The following PPM1E variants were observed in gnomAD, a reference collection of about 807,000 sequenced individuals.
PPM1E encodes protein phosphatase, Mg2+/Mn2+ dependent 1E.
A neutral mutation model predicts 65.9 loss-of-function variants in PPM1E; 20 were observed. The observed-to-expected ratio is 0.30, with a 90% CI of 0.21 to 0.44. PPM1E has a LOEUF of 0.44. Ranked by LOEUF, PPM1E falls within the 20% of genes least tolerant of loss-of-function variation. PPM1E has a pLI of 1.00. For synonymous variants in PPM1E, 352 were observed against 374.9 expected, an observed-to-expected ratio of 0.94 and a Z score of 0.70; for missense variants, 713 against 953.1, an observed-to-expected ratio of 0.75 and a Z score of 3.32.
chr17:58,772,362 A>G (rs1469205657), intron 1 of PPM1E, among the ~76,000 whole-genome samples: 2 of 152,108 alleles, frequency 1.3e-5, no homozygotes, highest in African/African-American at 2.4e-5. Flanking sequence ...AGGCTGAGGC[A>G]GGAGAATTGC....
At chr17:58,923,912 T>C (rs1357136910) in intron 1 of PPM1E, among the ~76,000 whole-genome samples, 4 of 19,234 alleles carry the variant, frequency 2.1e-4, no homozygotes, top group Non-Finnish European at 4.6e-4. Flanking sequence ...AGACCCCCTC[T>C]TTTTTTTTTT....
chr17:58,879,726 G>T (rs1394611070), intron 1 of PPM1E, among the ~76,000 whole-genome samples: 1 of 151,894 alleles, frequency 6.6e-6, no homozygotes, highest in Non-Finnish European at 1.5e-5. Context: ...AGCCAGGATG[G>T]TCTCAATCTC....
intron 1 of PPM1E, among the ~76,000 whole-genome samples, chr17:58,809,030 G>A (rs942627655): frequency 6.6e-6 from 1 of 151,950 alleles, no homozygotes; most frequent in Admixed American, 6.6e-5. Context: ...TGTCTCCAAG[G>A]TATGATGATT....
intron 1 of PPM1E, among the ~76,000 whole-genome samples, chr17:58,946,493 T>C (rs2052152930): frequency 6.6e-6 from 1 of 152,248 alleles, no homozygotes; most frequent in South Asian, 2.1e-4. Context: ...AGGGTCTCTC[T>C]GTCTCTCGGG....
chr17:58,779,623 T>C (rs2050032798), intron 1 of PPM1E, among the ~76,000 whole-genome samples: 1 of 152,214 alleles, frequency 6.6e-6, no homozygotes, highest in African/African-American at 2.4e-5. Context: ...ATGACCCTTT[T>C]ATTGGACAAA....
At chr17:58,931,430 G>A (rs983759083) in intron 1 of PPM1E, among the ~76,000 whole-genome samples, 1 of 151,826 alleles carries the variant, frequency 6.6e-6, no homozygotes, top group Non-Finnish European at 1.5e-5. Flanking sequence ...GAGAGAAGGA[G>A]GGAGGAAGGG....
chr17:58,950,777 C>CTTTTT (rs1036026350), intron 1 of PPM1E, among the ~76,000 whole-genome samples: 3 of 119,900 alleles, frequency 2.5e-5, no homozygotes, highest in East Asian at 2.4e-4. Flanking sequence ...CTGTTTGGTT[C>CTTTTT]TTTTTTTTTT....
Position 58,916,541 on chromosome 17 carries a change from G to A in PPM1E, c.465-39108G>A, listed in dbSNP as rs149753947. ...CTCAGGAGGCTGAGGCTGGAGGATT[G>A]CTTGAGCCCAAGAGGTTGAGGCTGC... On this transcript the variant is annotated intron_variant, in intron 1 of 6. Transcript: ENST00000308249. 3.6e-4 allele frequency among the ~76,000 whole-genome samples: 55 copies of A among 152,134 alleles called. No homozygotes were observed. The East Asian group carries it at 5.4e-3, about 15-fold the overall frequency.
chr17:58,812,969 T>G (rs543088414), intron 1 of PPM1E, among the ~76,000 whole-genome samples: 3 of 152,202 alleles, frequency 2.0e-5, no homozygotes, highest in Non-Finnish European at 2.9e-5. Context: ...CCCTTCAATC[T>G]CTGTGGCTCA....
Position 58,771,337 on chromosome 17 carries a change from TA to T in PPM1E, c.464+14887del, listed in dbSNP as rs553712860. On this transcript the variant is annotated intron_variant, in intron 1 of 6. Coordinates refer to ENST00000308249, the MANE Select transcript of PPM1E (RefSeq NM_014906.5). ...AGTATGTATAGTTAAAAGTAGATTC[TA>T]AAAAAAAAAATGATTAAGGCCGGGC... 5.9e-4 allele frequency among the ~76,000 whole-genome samples: 86 copies of T among 144,938 alleles called. 1 individual carries two copies. Among genetic ancestry groups the T allele is most frequent in the African/African-American group, 6.8e-4 (27 of 39,784 alleles).
chr17:58,912,499 G>A (rs2051638917), intron 1 of PPM1E, among the ~76,000 whole-genome samples: 1 of 152,204 alleles, frequency 6.6e-6, no homozygotes, highest in Non-Finnish European at 1.5e-5. Context: ...GGAATAACAA[G>A]GAGGCCAGTG....
chr17:58,886,553 C>G (rs529012925), intron 1 of PPM1E, among the ~76,000 whole-genome samples: 16 of 152,184 alleles, frequency 1.1e-4, no homozygotes, highest in Non-Finnish European at 1.9e-4. Flanking sequence ...TAGAAACAGA[C>G]TTTACTCAGC....
At chr17:58,812,984 T>G (rs2050383991) in intron 1 of PPM1E, among the ~76,000 whole-genome samples, 1 of 152,198 alleles carries the variant, frequency 6.6e-6, no homozygotes, top group Non-Finnish European at 1.5e-5. Flanking sequence ...GGCTCAGTCT[T>G]AAGGCCCAAA....
intron 1 of PPM1E, among the ~76,000 whole-genome samples, chr17:58,927,382 G>A (rs1224254608): frequency 6.6e-6 from 1 of 151,788 alleles, no homozygotes; most frequent in East Asian, 1.9e-4. Flanking sequence ...TGCCCGCCTT[G>A]GCCTCCCAAA....
intron 1 of PPM1E, among the ~76,000 whole-genome samples, chr17:58,825,234 A>T (rs1392942343): frequency 2.7e-5 from 4 of 147,002 alleles, no homozygotes; most frequent in African/African-American, 1.1e-4. Context: ...TCACACACAC[A>T]CACACACACA....
At chr17:58,830,171 T>C (rs1037240601) in intron 1 of PPM1E, among the ~76,000 whole-genome samples, 1 of 152,078 alleles carries the variant, frequency 6.6e-6, no homozygotes, top group African/African-American at 2.4e-5. Context: ...CAAGACACTG[T>C]CTCTCTAAAA....
intron 1 of PPM1E, among the ~76,000 whole-genome samples, chr17:58,866,719 CA>C (rs1437633290): frequency 6.6e-6 from 1 of 152,150 alleles, no homozygotes; most frequent in Non-Finnish European, 1.5e-5. Context: ...CTGGTATCCC[CA>C]AAAGCCAAAG....
intron 1 of PPM1E, among the ~76,000 whole-genome samples, chr17:58,778,079 G>T (rs1158985408): frequency 6.6e-6 from 1 of 151,820 alleles, no homozygotes; most frequent in Non-Finnish European, 1.5e-5. Flanking sequence ...GACTACAGGT[G>T]TGTGCCAGTA....
At chr17:58,942,249 G>T (rs1207404201) in intron 1 of PPM1E, among the ~76,000 whole-genome samples, 3 of 152,014 alleles carry the variant, frequency 2.0e-5, no homozygotes, top group African/African-American at 4.8e-5. Context: ...CATGGGTCAT[G>T]GTGGCTTGCA....
Sources: allele counts gnomAD v4.1 joint callset (sites outside exome capture counted in the v4.1 genomes callset), GRCh38; gene constraint gnomAD v4.1.1; transcripts MANE v1.5; gene names NCBI Gene and HGNC (gene_info 2026-07-23, HGNC 2026-07-21).